Variants in BSDC1 observed in about 807,000 individuals in gnomAD.
The protein encoded by BSDC1 is BSD domain-containing protein 1.
In BSDC1, 29 loss-of-function variants were observed where a neutral mutation model predicts 56.0. That is an observed-to-expected ratio of 0.52 (90% CI 0.39 to 0.71). The LOEUF (loss-of-function observed/expected upper bound fraction) is 0.71, where lower values mean the gene tolerates loss of function less well. Among genes scored for constraint, BSDC1 ranks in the 30% least tolerant of loss-of-function variants. The pLI is 0.00. For synonymous variants in BSDC1, 210 were observed against 215.3 expected, an observed-to-expected ratio of 0.98 and a Z score of 0.21; for missense variants, 477 against 548.5, an observed-to-expected ratio of 0.87 and a Z score of 1.30.
At chr1:32,366,769 T>C in intron 10 of BSDC1, 115 bp from the exon 11 acceptor site, 7 of 1,429,526 alleles carry the variant, frequency 4.9e-6, no homozygotes, top group Non-Finnish European at 6.4e-6. Flanking sequence ...CCCCAGGCCA[T>C]ACTCTGAGGT....
Position 32,394,149 on chromosome 1 carries a change from G to GA in BSDC1, c.12-10dup. The GA allele has an allele frequency of 6.2e-7, 1 of 1,607,794 alleles. No individual in the cohort carries two copies. The highest frequency in any genetic ancestry group is 2.2e-5 in the East Asian group (1 of 44,498). On this transcript the variant is annotated splice_polypyrimidine_tract_variant and intron_variant, in intron 1 of 10. Transcript: ENST00000455895. ...ACCATCCCACGTCCTCCCTGTGGAAGACAGACACATCTGGCAGCACCGCGG... is the reference window on the plus strand; with the variant it reads ...ACCATCCCACGTCCTCCCTGTGGAAGAACAGACACATCTGGCAGCACCGCGG...
chr1:32,376,355 C>G lies in BSDC1; in HGVS notation c.1063G>C (p.Glu355Gln), dbSNP rs1319084553. The change falls in exon 9 of 11, where the codon GAG (glutamate) becomes CAG (glutamine). Residue 355 changes from glutamate to glutamine, a missense_variant. By Grantham distance (29) the Glu-to-Gln change is conservative. Coordinates refer to ENST00000455895, the MANE Select transcript of BSDC1 (RefSeq NM_018045.8). ...GTGGGCGCCTCCTCCCTCAGAGTCT[C>G]TACTCTGGCTGGAGGCCTGGGCTCT... ...GPEPRPPARV[E>Q]TLREEAPTDL... 7 of 1,612,872 alleles carry G rather than the reference C, an allele frequency of 4.3e-6. 1 individual carries two copies. In the South Asian group the frequency reaches 5.5e-5, roughly 13 times the overall value.
chr1:32,385,897 T>A (rs1210043830), intron 3 of BSDC1, among the ~76,000 whole-genome samples: 1 of 152,198 alleles, frequency 6.6e-6, no homozygotes, highest in Non-Finnish European at 1.5e-5. Flanking sequence ...AAAGGTTTAG[T>A]AGAATGTTTA....
rs763599575 is a variant in BSDC1 at position 32,364,927 on chromosome 1, G to A, written c.*1695C>T. The stretch of plus-strand genomic sequence containing the variant: ...GACTCCTTGTCCCAGTGAGAGGCCT[G>A]TTGCGAGCCCTGACCCTTTCTCATC... On this transcript the variant is annotated 3_prime_UTR_variant, in exon 11 of 11. Coordinates refer to ENST00000455895, the MANE Select transcript of BSDC1 (RefSeq NM_018045.8). Among the ~76,000 whole-genome samples the A allele has an allele frequency of 2.0e-5, 3 of 152,206 alleles. No individual in the cohort carries two copies. The highest frequency in any genetic ancestry group is 4.4e-5 in the Non-Finnish European group (3 of 68,044).
intron 9 of BSDC1, chr1:32,369,161 A>G (rs1035009413): frequency 2.6e-6 from 2 of 765,440 alleles, no homozygotes; most frequent in South Asian, 1.5e-5. Context: ...ATGGTGGAAC[A>G]CTGTAGGCTG....
Position 32,365,155 on chromosome 1 carries a change from G to C in BSDC1, c.*1467C>G, listed in dbSNP as rs981952871. The C allele has an allele frequency of 6.6e-6, 1 of 152,154 alleles. No individual in the cohort carries two copies. The highest frequency in any genetic ancestry group is 1.5e-5 in the Non-Finnish European group (1 of 68,014). The allele number at this position is 152,154 out of a possible 1,614,324, so 9.4% of individuals were successfully genotyped here. On this transcript the variant is annotated 3_prime_UTR_variant, in exon 11 of 11. Coordinates refer to ENST00000455895, the MANE Select transcript of BSDC1 (RefSeq NM_018045.8). The stretch of plus-strand genomic sequence containing the variant: ...GCTGTTAACGGCAAGTCTGTAAAAG[G>C]TTCAGGACAAAGTTCTTTTTTCTTT...
chr1:32,378,711 G>A lies in BSDC1; in HGVS notation c.528+13C>T. 1 of 1,466,640 alleles carries A rather than the reference G, an allele frequency of 6.8e-7. No individual in the cohort carries two copies. The highest frequency in any genetic ancestry group is 9.1e-7 in the Non-Finnish European group (1 of 1,103,510). The allele number at this position is 1,466,640 out of a possible 1,614,324, so 90.9% of individuals were successfully genotyped here. On this transcript the variant is annotated intron_variant, in intron 6 of 10. Transcript: ENST00000455895. The surrounding 1 kb of genome is among the most constrained non-coding windows in gnomAD (Gnocchi z 5.2). ...CCTGGAGCTGGCTGAGGCCCTGCAG[G>A]CTGGGCCCTCACCATCTTGGTGTAG...
At chr1:32,388,024 A>G (rs1354994472) in intron 2 of BSDC1, among the ~76,000 whole-genome samples, 1 of 152,142 alleles carries the variant, frequency 6.6e-6, no homozygotes, top group Non-Finnish European at 1.5e-5. Flanking sequence ...CCCAGACCTC[A>G]CTTGAGAAAG....
chr1:32,368,227 A>G (rs1641923017), intron 10 of BSDC1: 1 of 1,468,232 alleles, frequency 6.8e-7, no homozygotes, highest in South Asian at 1.4e-5. Context: ...AGCTAAGGTC[A>G]AGAACTTGAC....
chr1:32,394,366 T>G, intron 1 of BSDC1, 38 bp downstream of exon 1: 1 of 1,614,018 alleles, frequency 6.2e-7, no homozygotes, highest in Non-Finnish European at 8.5e-7. Flanking sequence ...CTGGGAGAAT[T>G]CAGGCCCCAA....
intron 10 of BSDC1, 46 bp from the exon 11 acceptor site, chr1:32,366,700 C>A: frequency 6.9e-7 from 1 of 1,453,884 alleles, no homozygotes; most frequent in South Asian, 1.5e-5. Context: ...CATAGTTACT[C>A]CTGAGTCAGG....
At chr1:32,389,843 C>CA (rs756995084) in intron 2 of BSDC1, among the ~76,000 whole-genome samples, 5 of 151,816 alleles carry the variant, frequency 3.3e-5, no homozygotes, top group Non-Finnish European at 5.9e-5. Flanking sequence ...AGTGGTGGTA[C>CA]ACGCCTATAG....
chr1:32,383,006 C>A (rs1642541350), intron 4 of BSDC1, among the ~76,000 whole-genome samples: 1 of 151,982 alleles, frequency 6.6e-6, no homozygotes, highest in Admixed American at 6.6e-5. Flanking sequence ...TCTAAATAAC[C>A]CAAATGTGGA....
At chr1:32,390,072 A>G (rs1371227233) in intron 2 of BSDC1, among the ~76,000 whole-genome samples, 1 of 152,214 alleles carries the variant, frequency 6.6e-6, no homozygotes, top group Admixed American at 6.5e-5. Flanking sequence ...TAAAATGTGA[A>G]GCAAGAGTGG....
rs1641802655 is a variant in BSDC1, at chr1:32,365,231, CCT to C, written c.*1389_*1390del. ...TGTTAGAATCTTTTTTTCTTTTTTT[CCT>C]TTTTTCTTTTCCCAGCTACAAAATA... On this transcript the variant is annotated 3_prime_UTR_variant, in exon 11 of 11. Transcript: ENST00000455895. 6.6e-6 allele frequency: 1 copy of C among 151,028 alleles called. No homozygotes were observed. The highest frequency in any genetic ancestry group is 2.1e-4 in the South Asian group (1 of 4,802). The allele number at this position is 151,028 out of a possible 1,614,324, so 9.4% of individuals were successfully genotyped here. A position where few individuals can be genotyped will look rare whatever the true frequency, so the allele number is the denominator to read the frequency against.
intron 8 of BSDC1, 106 bp downstream of exon 8, chr1:32,377,864 C>A (rs1222268160): frequency 9.1e-7 from 1 of 1,097,174 alleles, no homozygotes; most frequent in South Asian, 1.6e-5. Context: ...GTTCCCTACT[C>A]TTCCCTGATG....
At chr1:32,393,199 G>C (rs750031110) in intron 2 of BSDC1, among the ~76,000 whole-genome samples, 1 of 152,278 alleles carries the variant, frequency 6.6e-6, no homozygotes, top group South Asian at 2.1e-4. Context: ...CAATTCAGTT[G>C]GGCTGATTTT....
rs1018341810 is a variant in BSDC1, at chr1:32,376,531, G to C, written c.887C>G (p.Pro296Arg). The part of the protein sequence containing the change: ...VTQIANPATA[P>R]EARVLPKDLS... The stretch of plus-strand genomic sequence containing the variant: ...GTCCTTGGGTAGCACTCGTGCCTCA[G>C]GTGCAGTGGCCGGGTTGGCGATCTG... The change falls in exon 9 of 11, where the codon CCT (proline) becomes CGT (arginine). Residue 296 changes from proline (P) to arginine (R), a missense_variant. Coordinates refer to ENST00000455895, the MANE Select transcript of BSDC1 (RefSeq NM_018045.8). The C allele has an allele frequency of 2.5e-6, 4 of 1,575,856 alleles. No individual in the cohort carries two copies. The highest frequency in any genetic ancestry group is 3.5e-6 in the Non-Finnish European group (4 of 1,154,626).
intron 9 of BSDC1, among the ~76,000 whole-genome samples, chr1:32,371,265 A>C (rs368137031): frequency 4.8e-4 from 71 of 147,528 alleles, no homozygotes; most frequent in African/African-American, 1.7e-3. Flanking sequence ...GATTTTCCTT[A>C]ATTTTTTTCC....
Sources: gnomAD v4.1 joint callset for allele counts (sites outside exome capture counted in the v4.1 genomes callset) on GRCh38, gnomAD v4.1.1 for gene constraint, Gnocchi (gnomAD v3.1) non-coding constraint, MANE v1.5 for transcripts, NCBI Gene and HGNC (gene_info 2026-07-23, HGNC 2026-07-21) for gene names.